PTPRD: variants seen among roughly 807,000 people sequenced by gnomAD.
PTPRD encodes the protein protein tyrosine phosphatase receptor type D, also known as receptor-type tyrosine-protein phosphatase delta.
PTPRD carries 34 observed loss-of-function variants against 214.5 expected under a neutral mutation model. The ratio of observed to expected loss-of-function variants is 0.16; its 90% CI spans 0.12 to 0.21. The LOEUF (loss-of-function observed/expected upper bound fraction) is 0.21, where lower values mean the gene tolerates loss of function less well. PTPRD is among the 10% of genes least tolerant of loss of function. The probability of loss-of-function intolerance (pLI) is 1.00; values close to 1 mark genes in which losing one functional copy is unlikely to be tolerated. For missense variants in PTPRD, 2,545 were observed against 2,398.7 expected (o/e 1.06, Z -1.27); for synonymous variants, 1,128 against 845.7 (o/e 1.33, Z -5.79).
intron 3 of PTPRD, among the ~76,000 whole-genome samples, chr9:10,321,104 T>A (rs1218804970): frequency 6.6e-6 from 1 of 152,046 alleles, no homozygotes; most frequent in African/African-American, 2.4e-5. Context: ...GCCTCCATTC[T>A]CATGCAGCTT....
intron 33 of PTPRD, among the ~76,000 whole-genome samples, chr9:8,450,655 G>A (rs1461350245): frequency 1.3e-5 from 2 of 152,080 alleles, no homozygotes; most frequent in South Asian, 2.1e-4. Context: ...CTATCTACTA[G>A]CTTTATTAGA....
At chr9:10,104,929 T>C (rs369536976) in intron 3 of PTPRD, among the ~76,000 whole-genome samples, 3 of 151,980 alleles carry the variant, frequency 2.0e-5, no homozygotes, top group East Asian at 3.9e-4. Flanking sequence ...AGCTGTATTG[T>C]AGTTTTCAAC....
rs145301590 is a variant in PTPRD, at chr9:9,206,307, A to G, written c.-202-22944T>C. On this transcript the variant is annotated intron_variant, in intron 9 of 45. Coordinates refer to ENST00000381196, the MANE Select transcript of PTPRD (RefSeq NM_002839.4). ...AGACATTCAGTTTTACAAGAGGAGG[A>G]CCATTGGAGGGTTGTGCGTAAAGGC... Among the ~76,000 whole-genome samples the G allele has an allele frequency of 1.0e-3, 155 of 152,208 alleles. 1 individual carries two copies. The highest frequency in any genetic ancestry group is 3.7e-3 in the African/African-American group (155 of 41,518).
At chr9:8,341,620 A>C (rs1852545533) in intron 40 of PTPRD, 73 bp downstream of exon 40, 1 of 1,535,554 alleles carries the variant, frequency 6.5e-7, no homozygotes, top group Non-Finnish European at 8.9e-7. Context: ...GAAAGGTTAA[A>C]GTAAAGCCAC....
intron 9 of PTPRD, among the ~76,000 whole-genome samples, chr9:9,184,320 A>G (rs944918266): frequency 8.5e-5 from 13 of 152,088 alleles, no homozygotes; most frequent in Non-Finnish European, 1.5e-4. Context: ...TACATTTTGT[A>G]GTTAGATGTG....
chr9:9,645,471 AT>A (rs2096126159), intron 7 of PTPRD, among the ~76,000 whole-genome samples: 1 of 145,510 alleles, frequency 6.9e-6, no homozygotes, highest in Non-Finnish European at 1.5e-5. Context: ...ATATATATAT[AT>A]ATATATATTT....
At chr9:9,412,008 G>C (rs1046194767) in intron 8 of PTPRD, among the ~76,000 whole-genome samples, 4 of 152,176 alleles carry the variant, frequency 2.6e-5, no homozygotes, top group Non-Finnish European at 5.9e-5. Context: ...GTGAATCCAT[G>C]TCTTATGACC....
intron 10 of PTPRD, among the ~76,000 whole-genome samples, chr9:9,116,885 G>C (rs2099812841): frequency 6.6e-6 from 1 of 152,076 alleles, no homozygotes; most frequent in African/African-American, 2.4e-5. Flanking sequence ...AATTAATCCA[G>C]AGCATTGTTT....
chr9:9,145,046 C>A (rs2099866387), intron 10 of PTPRD, among the ~76,000 whole-genome samples: 1 of 152,134 alleles, frequency 6.6e-6, no homozygotes. Context: ...AATTTAATAT[C>A]ATTGAAAATC....
intron 14 of PTPRD, among the ~76,000 whole-genome samples, chr9:8,586,154 G>C (rs1213855728): frequency 6.6e-6 from 1 of 152,092 alleles, no homozygotes; most frequent in Non-Finnish European, 1.5e-5. Context: ...ACAAAAATTA[G>C]CTAGGCGTGG....
At chr9:9,549,569 A>G (rs2079679650) in intron 8 of PTPRD, among the ~76,000 whole-genome samples, 1 of 152,138 alleles carries the variant, frequency 6.6e-6, no homozygotes, top group Admixed American at 6.6e-5. Context: ...GCTATGGTCC[A>G]GCAATTCCAT....
intron 2 of PTPRD, among the ~76,000 whole-genome samples, chr9:10,518,726 G>T (rs1020690122): frequency 1.3e-5 from 2 of 151,396 alleles, no homozygotes; most frequent in Admixed American, 1.4e-4. Flanking sequence ...TACAGACAGG[G>T]TTTTACCGTG....
intron 3 of PTPRD, among the ~76,000 whole-genome samples, chr9:10,266,735 C>G (rs1252077877): frequency 6.6e-6 from 1 of 151,496 alleles, no homozygotes; most frequent in East Asian, 1.9e-4. Flanking sequence ...GCATTGCAGG[C>G]TAATTTTAGA....
At position 9,663,205 on chromosome 9, in the gene PTPRD, A is replaced by T. The variant is rs543698868; in HGVS notation, c.-287+71328T>A. Reference sequence around the variant, plus strand: ...AATAGGTTTATCTCATAGGTCTTTTAATCTCCACATTACTCAGTAGTCATG... The same window carrying T: ...AATAGGTTTATCTCATAGGTCTTTTTATCTCCACATTACTCAGTAGTCATG... On this transcript the variant is annotated intron_variant, in intron 7 of 45. Transcript: ENST00000381196. 2.8e-3 allele frequency among the ~76,000 whole-genome samples: 421 copies of T among 151,530 alleles called. 2 individuals are homozygous for T. Among genetic ancestry groups the T allele is most frequent in the African/African-American group, 9.6e-3 (397 of 41,480 alleles).
intron 3 of PTPRD, among the ~76,000 whole-genome samples, chr9:10,313,239 C>T (rs2096319887): frequency 6.6e-6 from 1 of 151,910 alleles, no homozygotes; most frequent in Non-Finnish European, 1.5e-5. Flanking sequence ...TAATTACACA[C>T]AGCTTGACAG....
intron 7 of PTPRD, among the ~76,000 whole-genome samples, chr9:9,635,656 T>G (rs2095742380): frequency 6.6e-6 from 1 of 152,210 alleles, no homozygotes; most frequent in African/African-American, 2.4e-5. Flanking sequence ...GATACTCTGT[T>G]ACTTCTTATT....
chr9:9,932,748 G>C (rs2087246227), intron 5 of PTPRD, among the ~76,000 whole-genome samples: 1 of 104,220 alleles, frequency 9.6e-6, no homozygotes, highest in Admixed American at 1.0e-4. Flanking sequence ...TACTCCTCGA[G>C]AAGAGCAACT....
intron 11 of PTPRD, among the ~76,000 whole-genome samples, chr9:8,788,477 G>A (rs2096087581): frequency 6.6e-6 from 1 of 151,820 alleles, no homozygotes; most frequent in South Asian, 2.1e-4. Flanking sequence ...GTTTCTCCAT[G>A]TTGGTCAGGC....
chr9:10,138,207 T>C (rs1241858390), intron 3 of PTPRD, among the ~76,000 whole-genome samples: 2 of 151,878 alleles, frequency 1.3e-5, no homozygotes, highest in Non-Finnish European at 2.9e-5. Flanking sequence ...AAAGATGACA[T>C]TACAACCTAT....
Sources: gnomAD v4.1 joint callset for allele counts (sites outside exome capture counted in the v4.1 genomes callset) on GRCh38, gnomAD v4.1.1 for gene constraint, MANE v1.5 for transcripts, NCBI Gene and HGNC (gene_info 2026-07-23, HGNC 2026-07-21) for gene names.